BICD1: variants seen among roughly 807,000 people sequenced by gnomAD.
BICD1 encodes the protein protein bicaudal D homolog 1.
In BICD1, 35 loss-of-function variants were observed where a neutral mutation model predicts 92.5. That is an observed-to-expected ratio of 0.38 (90% CI 0.29 to 0.50). The LOEUF (loss-of-function observed/expected upper bound fraction) is 0.50. Ranked by LOEUF, BICD1 falls within the 20% of genes least tolerant of loss-of-function variation. BICD1 has a pLI of 0.93. For missense variants in BICD1, 950 were observed against 1,189.8 expected, an observed-to-expected ratio of 0.80 and a Z score of 2.97; for synonymous variants, 429 against 465.1, an observed-to-expected ratio of 0.92 and a Z score of 1.00.
At chr12:32,244,625 T>C (rs545520820) in intron 2 of BICD1, among the ~76,000 whole-genome samples, 3 of 149,952 alleles carry the variant, frequency 2.0e-5, no homozygotes, top group South Asian at 4.2e-4. Flanking sequence ...TCTCTTGATA[T>C]AGGATTTTTT....
intron 8 of BICD1, among the ~76,000 whole-genome samples, chr12:32,351,362 T>A (rs1050867237): frequency 3.2e-4 from 48 of 151,458 alleles, no homozygotes; most frequent in South Asian, 1.9e-3. Context: ...GGCGCACGCC[T>A]GTAATTTCAG....
intron 8 of BICD1, among the ~76,000 whole-genome samples, chr12:32,354,476 C>T (rs947580388): frequency 3.9e-5 from 6 of 152,130 alleles, no homozygotes; most frequent in Admixed American, 6.5e-5. Context: ...AAATTTTTAA[C>T]GAAGAATGAT....
intron 2 of BICD1, among the ~76,000 whole-genome samples, chr12:32,280,030 G>A (rs1035983913): frequency 1.3e-5 from 2 of 152,146 alleles, no homozygotes; most frequent in Non-Finnish European, 2.9e-5. Context: ...CCTGGGAGGC[G>A]GAGGTTGCAG....
chr12:32,277,808 TTTGCTG>T (rs1284428898), intron 2 of BICD1, among the ~76,000 whole-genome samples: 3 of 152,212 alleles, frequency 2.0e-5, no homozygotes, highest in Non-Finnish European at 4.4e-5. Context: ...CATCTAGCAT[TTTGCTG>T]TCTTGAATAC....
chr12:32,118,578 G>A (rs551947705), intron 1 of BICD1, among the ~76,000 whole-genome samples: 3 of 152,188 alleles, frequency 2.0e-5, no homozygotes, highest in Admixed American at 6.5e-5. Flanking sequence ...CATTTACATC[G>A]TATTAGGTAT....
intron 3 of BICD1, among the ~76,000 whole-genome samples, chr12:32,302,337 C>T (rs1050786050): frequency 6.6e-6 from 1 of 152,078 alleles, no homozygotes; most frequent in African/African-American, 2.4e-5. Context: ...TCTATGGGCA[C>T]CCCTTGTGAT....
At chr12:32,323,927 A>C (rs1948714136) in intron 4 of BICD1, among the ~76,000 whole-genome samples, 1 of 152,246 alleles carries the variant, frequency 6.6e-6, no homozygotes, top group Admixed American at 6.5e-5. Flanking sequence ...AGAAATGAAA[A>C]TATAGTAAAA....
intron 1 of BICD1, among the ~76,000 whole-genome samples, chr12:32,132,433 G>A (rs1232363470): frequency 4.5e-5 from 6 of 132,796 alleles, no homozygotes; most frequent in African/African-American, 1.3e-4. Context: ...AAAAAAAAAA[G>A]ATCTTGAGAT....
intron 3 of BICD1, among the ~76,000 whole-genome samples, chr12:32,303,585 C>G (rs1948125126): frequency 6.6e-6 from 1 of 152,116 alleles, no homozygotes; most frequent in Non-Finnish European, 1.5e-5. Flanking sequence ...CTTTTAATGT[C>G]CTTAAAGGGA....
chr12:32,116,498 C>CTATATATA (rs1565525031), intron 1 of BICD1, among the ~76,000 whole-genome samples: 6 of 70,650 alleles, frequency 8.5e-5, no homozygotes, highest in East Asian at 7.5e-4. Context: ...CTCTTTCTCT[C>CTATATATA]TCTCTCTCTC....
At chr12:32,367,444 C>A in intron 8 of BICD1, 1 of 444,864 alleles carries the variant, frequency 2.2e-6, no homozygotes, top group South Asian at 3.8e-5. Context: ...AATCTCGCTA[C>A]TAATGCTGTG....
intron 1 of BICD1, among the ~76,000 whole-genome samples, chr12:32,152,741 A>G (rs998956647): frequency 6.6e-6 from 1 of 152,218 alleles, no homozygotes; most frequent in African/African-American, 2.4e-5. Flanking sequence ...CTATAGGCAT[A>G]TGTCATAACC....
intron 5 of BICD1, chr12:32,332,628 G>C (rs1000744568): frequency 3.4e-6 from 1 of 293,814 alleles, no homozygotes; most frequent in Non-Finnish European, 5.1e-6. Flanking sequence ...TACACATGCT[G>C]TAATCCAAGT....
intron 3 of BICD1, among the ~76,000 whole-genome samples, chr12:32,297,950 C>G (rs1947920112): frequency 6.6e-6 from 1 of 151,972 alleles, no homozygotes; most frequent in African/African-American, 2.4e-5. Context: ...CTTTGGGAGG[C>G]TGAGGAGGAT....
intron 1 of BICD1, among the ~76,000 whole-genome samples, chr12:32,123,931 C>G (rs981850050): frequency 1.3e-5 from 2 of 152,048 alleles, no homozygotes; most frequent in African/African-American, 4.8e-5. Flanking sequence ...GAGTAGACCA[C>G]TTGTTTTAAA....
In BICD1 at chr12:32,198,323, CATCTATCTAT is replaced by C. The variant is rs1320944391; in HGVS notation, c.214-17921_214-17912del. 7.8e-4 allele frequency among the ~76,000 whole-genome samples: 69 copies of C among 87,926 alleles called. 1 individual carries two copies. Among genetic ancestry groups the C allele is most frequent in the Admixed American group, 2.4e-3 (17 of 7,168 alleles). 57.7% of individuals were successfully genotyped at this position (87,926 alleles called of 152,430 possible). A position where few individuals can be genotyped will look rare whatever the true frequency, so the allele number is the denominator to read the frequency against. On this transcript the variant is annotated intron_variant, in intron 1 of 9. Coordinates refer to ENST00000652176, the MANE Select transcript of BICD1 (RefSeq NM_001714.4). ...AGGGGATGATTATGGGAATAATATGCATCTATCTATATATATATATATATATATATTCCAA... is the reference window on the plus strand; with the variant it reads ...AGGGGATGATTATGGGAATAATATGCATATATATATATATATATATTCCAA...
intron 2 of BICD1, among the ~76,000 whole-genome samples, chr12:32,245,898 C>T (rs938071010): frequency 1.1e-4 from 17 of 151,238 alleles, no homozygotes; most frequent in African/African-American, 2.7e-4. Flanking sequence ...GGTGTGGTGG[C>T]GCACACCTGT....
rs147065047 is a variant in BICD1 at position 32,328,184 on chromosome 12, T to C, written c.1729T>C (p.Ser577Pro). 2.5e-6 allele frequency: 4 copies of C among 1,613,988 alleles called. No individual in the cohort carries two copies. The African/African-American group carries it at 5.3e-5, about 22-fold the overall frequency. ...GTCATCCCCGGTAGAAACAAGGACC[T>C]CATCTGAACCAGTTGCAAAAGAAAG... ...GVSSPVETRTSSEPVAKESTE... is the reference protein window; with the variant it reads ...GVSSPVETRTPSEPVAKESTE... The change falls in exon 5 of 10, where the codon TCA (serine) becomes CCA (proline). Residue 577 changes from serine to proline, a missense_variant. Physicochemically the swap from Ser to Pro is moderately conservative, Grantham distance 74 (BLOSUM62 -1). Coordinates refer to ENST00000652176, the MANE Select transcript of BICD1 (RefSeq NM_001714.4). The surrounding 1 kb of genome is among the most constrained non-coding windows in gnomAD (Gnocchi z 4.4).
chr12:32,234,371 G>A (rs1369990493), intron 2 of BICD1, among the ~76,000 whole-genome samples: 1 of 152,114 alleles, frequency 6.6e-6, no homozygotes, highest in African/African-American at 2.4e-5. Context: ...GCCGAGGCGG[G>A]CAGATCACCG....
Sources: gnomAD v4.1 joint callset for allele counts (sites outside exome capture counted in the v4.1 genomes callset) on GRCh38, gnomAD v4.1.1 for gene constraint, Gnocchi (gnomAD v3.1) non-coding constraint, MANE v1.5 for transcripts, NCBI Gene and HGNC (gene_info 2026-07-23, HGNC 2026-07-21) for gene names.